Variants in CREBBP observed in about 807,000 individuals in gnomAD.
CREBBP encodes CREB binding lysine acetyltransferase, also known as CREB-binding protein.
In CREBBP, 19 loss-of-function variants were observed where a neutral mutation model predicts 265.0. The ratio of observed to expected loss-of-function variants is 0.07; its 90% CI spans 0.05 to 0.11. CREBBP has a LOEUF of 0.11. Ranked by LOEUF, CREBBP falls within the 10% of genes least tolerant of loss-of-function variation. The probability of loss-of-function intolerance (pLI) is 1.00; values close to 1 mark genes in which losing one functional copy is unlikely to be tolerated. For missense variants in CREBBP, 2,525 were observed against 3,219.0 expected (o/e 0.78, Z 5.22); for synonymous variants, 1,457 against 1,223.7 (o/e 1.19, Z -3.98).
At chr16:3,781,991 C>T (rs1487525832) in intron 6 of CREBBP, among the ~76,000 whole-genome samples, 1 of 152,164 alleles carries the variant, frequency 6.6e-6, no homozygotes, top group African/African-American at 2.4e-5. Flanking sequence ...AATAGTTACT[C>T]TATTAGGGAA....
chr16:3,853,207 G>A (rs956214439), intron 1 of CREBBP, among the ~76,000 whole-genome samples: 2 of 152,164 alleles, frequency 1.3e-5, no homozygotes, highest in Admixed American at 1.3e-4. Context: ...ATAAGTAAGT[G>A]TAAAACACGA....
intron 26 of CREBBP, 116 bp downstream of exon 26, chr16:3,738,443 T>C (rs1466314079): frequency 2.7e-6 from 2 of 739,722 alleles, no homozygotes; most frequent in East Asian, 2.7e-5. Flanking sequence ...TGAATTGATC[T>C]TAGGATGGAA....
At chr16:3,758,173 G>GT (rs2052631580) in intron 17 of CREBBP, 125 bp from the exon 18 acceptor site, 1 of 973,814 alleles carries the variant, frequency 1.0e-6, no homozygotes. Context: ...ATTCCCAACA[G>GT]TAAGAAATAG....
At chr16:3,857,667 G>A (rs1356806064) in intron 1 of CREBBP, among the ~76,000 whole-genome samples, 1 of 152,138 alleles carries the variant, frequency 6.6e-6, no homozygotes, top group African/African-American at 2.4e-5. Context: ...AGGGGGCCCG[G>A]GAGAATGCAA....
At chr16:3,737,559 G>A (rs1434616950) in intron 26 of CREBBP, among the ~76,000 whole-genome samples, 2 of 149,956 alleles carry the variant, frequency 1.3e-5, no homozygotes, top group East Asian at 3.9e-4. Flanking sequence ...TCCCTGGTTC[G>A]AGTGGCTCTC....
intron 2 of CREBBP, among the ~76,000 whole-genome samples, chr16:3,820,354 A>T (rs9939460): frequency 6.6e-6 from 1 of 152,228 alleles, no homozygotes. Flanking sequence ...TGCCACAGAC[A>T]GCACTTGGCT....
chr16:3,765,463 G>C (rs1596873568), intron 16 of CREBBP, among the ~76,000 whole-genome samples: 1 of 152,338 alleles, frequency 6.6e-6, no homozygotes, highest in South Asian at 2.1e-4. Flanking sequence ...GAATGACTGA[G>C]AGATAAGCTA....
chr16:3,810,703 C>T lies in CREBBP; in HGVS notation c.875G>A (p.Gly292Glu). The T allele has an allele frequency of 6.2e-7, 1 of 1,613,914 alleles. No homozygotes were observed. Among genetic ancestry groups the T allele is most frequent in the South Asian group, 1.1e-5 (1 of 91,074 alleles). The change falls in exon 3 of 31, where the codon GGA becomes GAA. Residue 292 changes from glycine (G) to glutamate (E), a missense_variant. Physicochemically the swap from Gly to Glu is moderately conservative, Grantham distance 98. This residue lies in a region of CREBBP where 126 missense variants were observed against 171.9 expected (regional missense o/e 0.73). Transcript: ENST00000262367. ...QAGGQPMGAT[G>E]VNPQLASKQS... ...TTTGCTGGCTAACTGGGGGTTCACT[C>T]CAGTGGCTCCCATTGGCTGCCCTCC...
intron 15 of CREBBP, among the ~76,000 whole-genome samples, chr16:3,768,137 T>TTG (rs2052906414): frequency 2.0e-5 from 1 of 49,498 alleles, no homozygotes; most frequent in Non-Finnish European, 3.6e-5. Flanking sequence ...TTTAAAAGTG[T>TTG]TTTTTTTTTT....
chr16:3,742,022 A>C (rs2151346324), intron 23 of CREBBP: 1 of 152,218 alleles, frequency 6.6e-6, no homozygotes, highest in Middle Eastern at 3.4e-3. Flanking sequence ...AAGAGCTTGC[A>C]GTGAGCCGAC....
rs181464689 is a variant in CREBBP at position 3,847,374 on chromosome 16, T to C, written c.798+2923A>G. On this transcript the variant is annotated intron_variant, in intron 2 of 30. Coordinates refer to ENST00000262367, the MANE Select transcript of CREBBP (RefSeq NM_004380.3). ...CGCCTTTTCCCTGTGCATCTTAAAA[T>C]CTAGTTGGCTCTGCTATCGTAAGGT... 2.6e-5 allele frequency among the ~76,000 whole-genome samples: 4 copies of C among 152,314 alleles called. No homozygotes were observed. In the South Asian group the frequency reaches 6.2e-4, roughly 24 times the overall value.
intron 28 of CREBBP, among the ~76,000 whole-genome samples, chr16:3,733,652 A>AT (rs995339261): frequency 1.5e-4 from 22 of 151,674 alleles, no homozygotes; most frequent in African/African-American, 3.4e-4. Flanking sequence ...AAGGAAGCCT[A>AT]TTTTTTTTGA....
chr16:3,767,347 G>A (rs2052879815), intron 16 of CREBBP: 1 of 252,108 alleles, frequency 4.0e-6, no homozygotes, highest in Non-Finnish European at 7.7e-6. Context: ...TGGCTTTTTT[G>A]GTTATTCTCC....
chr16:3,753,168 C>A (rs574297333), intron 19 of CREBBP, among the ~76,000 whole-genome samples: 49 of 152,300 alleles, frequency 3.2e-4, no homozygotes, highest in African/African-American at 1.1e-3. Flanking sequence ...GAATGGGACG[C>A]GGCAGCTGCA....
chr16:3,788,665 A>G (rs1221645003), intron 5 of CREBBP, among the ~76,000 whole-genome samples: 2 of 152,238 alleles, frequency 1.3e-5, no homozygotes, highest in Non-Finnish European at 2.9e-5. Flanking sequence ...GAAAAATCGA[A>G]TGAGGCCAGG....
chr16:3,765,616 T>G (rs9931922), intron 16 of CREBBP, among the ~76,000 whole-genome samples: 10,836 of 152,170 alleles, frequency 0.071, 939 homozygotes, highest in East Asian at 0.2. Flanking sequence ...TTGGAAAACT[T>G]GTACATGGGC....
intron 2 of CREBBP, among the ~76,000 whole-genome samples, chr16:3,849,010 C>T (rs1449812151): frequency 6.6e-6 from 1 of 152,208 alleles, no homozygotes; most frequent in Admixed American, 6.5e-5. Context: ...TCTCATCAAC[C>T]TTCTGGGGAA....
intron 1 of CREBBP, among the ~76,000 whole-genome samples, chr16:3,869,523 ATAAG>A (rs2055248591): frequency 1.3e-5 from 2 of 152,360 alleles, no homozygotes; most frequent in Non-Finnish European, 2.9e-5. Context: ...GACAAAGAGG[ATAAG>A]TAAATGTACT....
chr16:3,872,829 C>T (rs570381018), intron 1 of CREBBP, among the ~76,000 whole-genome samples: 1 of 152,212 alleles, frequency 6.6e-6, no homozygotes, highest in Non-Finnish European at 1.5e-5. Context: ...CAGGCTTCCC[C>T]AACTCCTGGC....
Sources: allele counts gnomAD v4.1 joint callset (sites outside exome capture counted in the v4.1 genomes callset), GRCh38; gene constraint gnomAD v4.1.1; regional missense constraint gnomAD v4.1.1; transcripts MANE v1.5; gene names NCBI Gene and HGNC (gene_info 2026-07-23, HGNC 2026-07-21).